PDE2A: variants seen among roughly 807,000 people sequenced by gnomAD.
PDE2A encodes cGMP-dependent 3',5'-cyclic phosphodiesterase.
In PDE2A, 53 loss-of-function variants were observed where a neutral mutation model predicts 133.6. That is an observed-to-expected ratio of 0.40 (90% confidence interval 0.32 to 0.50). PDE2A has a LOEUF of 0.50. PDE2A is among the 20% of genes least tolerant of loss of function. PDE2A has a pLI of 0.73. For synonymous variants in PDE2A, 491 were observed against 490.2 expected, an observed-to-expected ratio of 1.00 and a Z score of -0.02; for missense variants, 796 against 1,232.4, an observed-to-expected ratio of 0.65 and a Z score of 5.30.
At chr11:72,614,440 G>A (rs1181989912) in intron 2 of PDE2A, among the ~76,000 whole-genome samples, 1 of 152,142 alleles carries the variant, frequency 6.6e-6, no homozygotes, top group African/African-American at 2.4e-5. Flanking sequence ...AGGCTTTGGG[G>A]AGGGGAAGGT....
At chr11:72,626,391 G>A (rs1191928672) in intron 2 of PDE2A, among the ~76,000 whole-genome samples, 1 of 152,204 alleles carries the variant, frequency 6.6e-6, no homozygotes, top group Non-Finnish European at 1.5e-5. Context: ...GACCCCCATG[G>A]ATGCCAGATG....
rs1395197480 is a variant in PDE2A at position 72,674,319 on chromosome 11, G to C, written c.-112C>G. ...AGCAGGCACAGGGACCAAGAGCAGT[G>C]GGCTGCCCCCTACTCAGCCTGGACT... On this transcript the variant is annotated 5_prime_UTR_variant, in exon 1 of 31. Coordinates refer to ENST00000334456, the MANE Select transcript of PDE2A (RefSeq NM_002599.5). 3 of 1,060,974 alleles carry C rather than the reference G, an allele frequency of 2.8e-6. No homozygotes were observed. The highest frequency in any genetic ancestry group is 3.1e-5 in the African/African-American group (2 of 63,834). The allele number at this position is 1,060,974 out of a possible 1,614,324, so 65.7% of individuals were successfully genotyped here.
rs1051005867 is a variant in PDE2A, at chr11:72,670,398, A to G, written c.71+3739T>C. Among the ~76,000 whole-genome samples, 5 of 152,190 alleles carry G rather than the reference A, an allele frequency of 3.3e-5. 1 individual carries two copies. Among genetic ancestry groups the G allele is most frequent in the Admixed American group, 2.6e-4 (4 of 15,292 alleles). ...TCCCTCCTCTGTTCCCTCTCCCTGG[A>G]TGACTTCACTCACTCACCTATGGGA... On this transcript the variant is annotated intron_variant, in intron 1 of 30. Coordinates refer to ENST00000334456, the MANE Select transcript of PDE2A (RefSeq NM_002599.5).
chr11:72,613,182 T>A (rs973906476), intron 2 of PDE2A, among the ~76,000 whole-genome samples: 3 of 152,122 alleles, frequency 2.0e-5, no homozygotes, highest in Admixed American at 6.5e-5. Flanking sequence ...CCCCACTGCC[T>A]GGCACTGGCT....
intron 2 of PDE2A, among the ~76,000 whole-genome samples, chr11:72,617,537 G>A (rs1003176514): frequency 1.3e-5 from 2 of 152,222 alleles, no homozygotes; most frequent in Non-Finnish European, 2.9e-5. Context: ...ACAGCCTCCC[G>A]CTGCTTTGTC....
intron 21 of PDE2A, 145 bp from the exon 22 acceptor site, chr11:72,582,092 AC>A (rs1438903494): frequency 1.5e-6 from 1 of 682,674 alleles, no homozygotes; most frequent in African/African-American, 1.8e-5. Flanking sequence ...AGTTGAAGCA[AC>A]CGTTCTCGGA....
In PDE2A at chr11:72,586,172, G is replaced by A. The variant is rs778992851; in HGVS notation, c.1080C>T (p.Asp360=). ...AGTGCTGGATCACATGCTCGTCCTC[G>A]TCGGTGAACCTGGAGGAGGGGGTGG... is the stretch of plus-strand genomic sequence containing the variant. The part of the protein sequence containing the change: ...FNKLEGDLFT[D]EDEHVIQHCF... The change falls in exon 14 of 31, where the codon GAC becomes GAT. Residue 360 remains aspartate (D), a synonymous_variant. Transcript: ENST00000334456. 25 of 1,604,806 alleles carry A rather than the reference G, an allele frequency of 1.6e-5. No homozygotes were observed. Among genetic ancestry groups the A allele is most frequent in the Admixed American group, 5.0e-5 (3 of 59,640 alleles).
intron 20 of PDE2A, 34 bp downstream of exon 20, chr11:72,583,404 T>G (rs987003446): frequency 1.4e-6 from 2 of 1,469,452 alleles, no homozygotes; most frequent in African/African-American, 2.8e-5. Flanking sequence ...CCGGGGAATC[T>G]GGGAGGAGGA....
chr11:72,673,848 G>A (rs565553219), intron 1 of PDE2A, among the ~76,000 whole-genome samples: 3 of 151,978 alleles, frequency 2.0e-5, no homozygotes, highest in South Asian at 2.1e-4. Context: ...TTGAAGAACC[G>A]GTTCAGGTTC....
At chr11:72,660,694 C>T (rs1855028080) in intron 1 of PDE2A, among the ~76,000 whole-genome samples, 1 of 152,270 alleles carries the variant, frequency 6.6e-6, no homozygotes. Flanking sequence ...CTTGTGCTCC[C>T]AAGCACGTCC....
At chr11:72,611,419 C>G (rs1436543430) in intron 2 of PDE2A, among the ~76,000 whole-genome samples, 2 of 152,128 alleles carry the variant, frequency 1.3e-5, no homozygotes, top group African/African-American at 4.8e-5. Context: ...ACAGTCTGTC[C>G]TTTATTCTGA....
At chr11:72,579,935 C>T (rs1478262293) in intron 25 of PDE2A, 25 of 310,668 alleles carry the variant, frequency 8.0e-5, no homozygotes, top group Non-Finnish European at 1.2e-5. Context: ...ATGCAGAACA[C>T]ATTTGTTTGC....
chr11:72,673,910 A>G (rs1855442369), intron 1 of PDE2A, among the ~76,000 whole-genome samples: 1 of 152,010 alleles, frequency 6.6e-6, no homozygotes, highest in Admixed American at 6.5e-5. Flanking sequence ...CCCCAGCCTC[A>G]TCACCTACTA....
At chr11:72,625,644 A>G (rs920964854) in intron 2 of PDE2A, among the ~76,000 whole-genome samples, 1 of 152,122 alleles carries the variant, frequency 6.6e-6, no homozygotes, top group Non-Finnish European at 1.5e-5. Context: ...GGAACATGAG[A>G]GAGGTGGAGG....
chr11:72,579,662 A>G (rs1045898567), intron 25 of PDE2A, 54 bp from the exon 26 acceptor site: 6 of 1,265,850 alleles, frequency 4.7e-6, no homozygotes, highest in African/African-American at 4.4e-5. Flanking sequence ...CTCCCTTACC[A>G]TTGACCCCAA....
Position 72,584,743 on chromosome 11 carries a change from A to G in PDE2A, c.1360-15T>C. ...ATCTCATAGCTCTGCCGGAGCAGAG[A>G]TGGAGTCGAGAGGAAGAAGTTAGTG... On this transcript the variant is annotated splice_polypyrimidine_tract_variant and intron_variant, in intron 17 of 30. Transcript: ENST00000334456. 1 of 1,612,862 alleles carries G rather than the reference A, an allele frequency of 6.2e-7. No homozygotes were observed. The highest frequency in any genetic ancestry group is 8.5e-7 in the Non-Finnish European group (1 of 1,179,664).
At chr11:72,638,751 A>G (rs1315381424) in intron 2 of PDE2A, among the ~76,000 whole-genome samples, 2 of 152,234 alleles carry the variant, frequency 1.3e-5, no homozygotes, top group East Asian at 3.8e-4. Flanking sequence ...AAAGATGATG[A>G]AGATGACAAT....
intron 1 of PDE2A, among the ~76,000 whole-genome samples, chr11:72,649,778 C>A (rs1018835330): frequency 6.6e-6 from 1 of 152,234 alleles, no homozygotes. Flanking sequence ...ACTCCTTCCA[C>A]AGCGCCATCC....
chr11:72,579,002 G>A lies in PDE2A; in HGVS notation c.2364C>T (p.Tyr788=), dbSNP rs141055431. The A allele has an allele frequency of 3.7e-5, 59 of 1,609,600 alleles. No homozygotes were observed. Among genetic ancestry groups the A allele is most frequent in the African/African-American group, 3.1e-4 (23 of 74,814 alleles). Residue 788 remains tyrosine, a synonymous_variant, in exon 28 of 31, where the codon TAC becomes TAT. Transcript: ENST00000334456. ...KDLQKMAEVG[Y]DRNNKQHHRL... ...TGTGGTGCTGCTTGTTGTTTCGGTC[G>A]TAGCCCACTGTTGAGGGGAGGATGG...
Sources: gnomAD v4.1 joint callset for allele counts (sites outside exome capture counted in the v4.1 genomes callset) on GRCh38, gnomAD v4.1.1 for gene constraint, MANE v1.5 for transcripts, NCBI Gene and HGNC (gene_info 2026-07-23, HGNC 2026-07-21) for gene names.